Variants in RGPD3 observed in about 807,000 individuals in gnomAD.
RGPD3 encodes ranBP2-like and GRIP domain-containing protein 3.
A neutral mutation model predicts 154.5 loss-of-function variants in RGPD3; 62 were observed. That is an observed-to-expected ratio of 0.40 (90% confidence interval 0.33 to 0.50). RGPD3 has a LOEUF of 0.50. Among genes scored for constraint, RGPD3 ranks in the 20% least tolerant of loss-of-function variants. The pLI, the probability that RGPD3 is intolerant of heterozygous loss-of-function variation, is 0.59. For missense variants in RGPD3, 919 were observed against 1,716.8 expected (o/e 0.54, Z 8.21); for synonymous variants, 308 against 607.0 (o/e 0.51, Z 7.24).
In RGPD3 at chr2:106,425,150, C is replaced by A. The variant is rs539346947; in HGVS notation, c.2817G>T (p.Lys939Asn). The change falls in exon 20 of 23, where the codon AAG (lysine) becomes AAT (asparagine). Residue 939 changes from lysine to asparagine, a missense_variant. By Grantham distance (94) the Lys-to-Asn change is moderately conservative. Transcript: ENST00000409886. ...EPGNQEKKSE[K>N]PLENDTGLQA... ...GTAAGCCAGTATCATTTTCAAGAGGCTTTTCACTTTTCTTTTCTTGATTTC... is the reference window on the plus strand; with the variant it reads ...GTAAGCCAGTATCATTTTCAAGAGGATTTTCACTTTTCTTTTCTTGATTTC... 1 of 1,611,946 alleles carries A rather than the reference C, an allele frequency of 6.2e-7. No individual in the cohort carries two copies. The highest frequency in any genetic ancestry group is 1.7e-5 in the Admixed American group (1 of 60,006).
chr2:106,448,750 A>G (rs62152515), intron 6 of RGPD3, among the ~76,000 whole-genome samples: 31 of 148,018 alleles, frequency 2.1e-4, no homozygotes, highest in East Asian at 6.0e-4. Context: ...GAGTGCAGTG[A>G]CACAATCTTG....
At chr2:106,469,373 A>G (rs956357247), upstream of RGPD3, among the ~76,000 whole-genome samples, 2 of 152,000 alleles carry the variant, frequency 1.3e-5, no homozygotes, top group African/African-American at 4.8e-5. Context: ...TTCCATTATA[A>G]AAGAAATTCT....
At chr2:106,410,136 A>T (rs1676627191) in intron 22 of RGPD3, among the ~76,000 whole-genome samples, 1 of 151,902 alleles carries the variant, frequency 6.6e-6, no homozygotes, top group South Asian at 2.1e-4. Context: ...TCAGCCTCCC[A>T]AAGTGCTGGA....
At chr2:106,420,263 G>A (rs1676939054) in intron 20 of RGPD3, among the ~76,000 whole-genome samples, 1 of 146,158 alleles carries the variant, frequency 6.8e-6, no homozygotes, top group Non-Finnish European at 1.5e-5. Flanking sequence ...TCTATGGGTA[G>A]CTAACACTAT....
intron 22 of RGPD3, among the ~76,000 whole-genome samples, chr2:106,412,310 T>TTTTTTTTTTG: frequency 1.1e-5 from 1 of 93,090 alleles, no homozygotes; most frequent in Non-Finnish European, 2.2e-5. Context: ...TTTTTTTTTT[T>TTTTTTTTTTG]TTTTTTTTTT....
In RGPD3 at chr2:106,423,829, C is replaced by A. The variant is rs1558839141; in HGVS notation, c.4138G>T (p.Gly1380Cys). The change falls in exon 20 of 23, where the codon GGT becomes TGT. Residue 1380 changes from glycine to cysteine, a missense_variant. Transcript: ENST00000409886. ...DVGQWKERGIGDIKILQNYDN... is the reference protein window; with the variant it reads ...DVGQWKERGICDIKILQNYDN... The stretch of plus-strand genomic sequence containing the variant: ...TAATTCTGTAAAATCTTTATATCAC[C>A]AATGCCCCTTTCTTTCCATTGACCA... The A allele has an allele frequency of 6.2e-7, 1 of 1,611,946 alleles. No homozygotes were observed. The highest frequency in any genetic ancestry group is 1.1e-5 in the South Asian group (1 of 90,978).
chr2:106,443,195 CAG>C (rs1348866206), intron 7 of RGPD3, among the ~76,000 whole-genome samples: 5 of 147,916 alleles, frequency 3.4e-5, no homozygotes, highest in South Asian at 2.2e-4. Context: ...CTTTTAAAGA[CAG>C]GGGATATATG....
intron 20 of RGPD3, among the ~76,000 whole-genome samples, chr2:106,420,359 A>T (rs1226074607): frequency 6.6e-6 from 1 of 151,778 alleles, no homozygotes; most frequent in Non-Finnish European, 1.5e-5. Context: ...AACAGAAAAA[A>T]CTTCTATATG....
chr2:106,451,034 A>C (rs1006421103), intron 6 of RGPD3, among the ~76,000 whole-genome samples: 12 of 149,084 alleles, frequency 8.0e-5, no homozygotes, highest in African/African-American at 2.7e-4. Context: ...GGTTACAGTG[A>C]GTCAAGGTCG....
intron 20 of RGPD3, among the ~76,000 whole-genome samples, chr2:106,417,987 G>C (rs1316606443): frequency 2.7e-5 from 4 of 147,792 alleles, no homozygotes; most frequent in Admixed American, 2.0e-4. Flanking sequence ...AAATTAGCCA[G>C]GCACAGTGGC....
At chr2:106,450,139 G>A (rs1009887364) in intron 6 of RGPD3, among the ~76,000 whole-genome samples, 3 of 141,086 alleles carry the variant, frequency 2.1e-5, no homozygotes, top group Non-Finnish European at 3.1e-5. Context: ...CAACACTTTG[G>A]GAGGCCGAGG....
At position 106,424,153 on chromosome 2, in the gene RGPD3, G is replaced by T. The variant is rs1361648214; in HGVS notation, c.3814C>A (p.Pro1272Thr). 1 of 1,611,294 alleles carries T rather than the reference G, an allele frequency of 6.2e-7. No individual in the cohort carries two copies. Among genetic ancestry groups the T allele is most frequent in the Admixed American group, 1.7e-5 (1 of 59,930 alleles). Residue 1272 changes from proline (P) to threonine (T), a missense_variant, in exon 20 of 23, where the codon CCA becomes ACA. By Grantham distance (38) the Pro-to-Thr change is conservative. Coordinates refer to ENST00000409886, the MANE Select transcript of RGPD3 (RefSeq NM_001144013.2). ...SVSSSSVHAS[P>T]LASSPVRKNL... is the part of the protein sequence containing the mutation. Reference sequence around the variant, plus strand: ...TTTCTCACAGGGCTACTTGCCAATGGAGAAGCATGTACTGAGCTACTACTG... The same window carrying T: ...TTTCTCACAGGGCTACTTGCCAATGTAGAAGCATGTACTGAGCTACTACTG...
At chr2:106,430,282 C>A (rs184001600) in intron 17 of RGPD3, among the ~76,000 whole-genome samples, 13 of 151,358 alleles carry the variant, frequency 8.6e-5, no homozygotes, top group Non-Finnish European at 1.8e-4. Flanking sequence ...TTTATCTGCT[C>A]CCATTTTCGT....
intron 10 of RGPD3, 21 bp from the exon 11 acceptor site, chr2:106,436,610 T>C (rs1677566763): frequency 6.2e-7 from 1 of 1,611,352 alleles, no homozygotes; most frequent in Non-Finnish European, 8.5e-7. Context: ...TAAGGAAAAG[T>C]TAAGTTAGAA....
At chr2:106,412,610 A>T in intron 22 of RGPD3, 1 of 334,776 alleles carries the variant, frequency 3.0e-6, no homozygotes. Flanking sequence ...CGCCTGGCCT[A>T]TGGCACAGTT....
At chr2:106,410,883 C>T (rs1012707180) in intron 22 of RGPD3, among the ~76,000 whole-genome samples, 3 of 151,952 alleles carry the variant, frequency 2.0e-5, no homozygotes, top group African/African-American at 7.3e-5. Flanking sequence ...GCTATAGAAA[C>T]CTATCCTATA....
intron 18 of RGPD3, among the ~76,000 whole-genome samples, chr2:106,428,783 G>A (rs1393747699): frequency 6.7e-6 from 1 of 149,584 alleles, no homozygotes. Context: ...TGGGAGCAAT[G>A]TATTATACTG....
chr2:106,405,522 G>A (rs1423299956), intron 22 of RGPD3, among the ~76,000 whole-genome samples: 1 of 151,526 alleles, frequency 6.6e-6, no homozygotes, highest in African/African-American at 2.4e-5. Context: ...ACCACAAGGT[G>A]TGTGCCACCA....
chr2:106,468,155 G>C lies in RGPD3; in HGVS notation c.72+62C>G, dbSNP rs1360179581. ...GCCTGAGCCATCGAGGCCGCCGCCG[G>C]GCCGGGTCGAGGCCGCCGCCCGGCC... On this transcript the variant is annotated intron_variant, in intron 1 of 22. Coordinates refer to ENST00000409886, the MANE Select transcript of RGPD3 (RefSeq NM_001144013.2). 4 of 1,536,618 alleles carry C rather than the reference G, an allele frequency of 2.6e-6. No individual in the cohort carries two copies. In the Admixed American group the frequency reaches 6.0e-5, roughly 23 times the overall value.
Sources: allele counts gnomAD v4.1 joint callset (sites outside exome capture counted in the v4.1 genomes callset), GRCh38; gene constraint gnomAD v4.1.1; transcripts MANE v1.5; gene names NCBI Gene and HGNC (gene_info 2026-07-23, HGNC 2026-07-21).